Variants in CACNB4 observed in about 807,000 individuals in gnomAD.
The protein encoded by CACNB4 is voltage-dependent L-type calcium channel subunit beta-4.
A neutral mutation model predicts 71.2 loss-of-function variants in CACNB4; 32 were observed. The ratio of observed to expected loss-of-function variants is 0.45; its 90% CI spans 0.34 to 0.60. CACNB4 has a LOEUF of 0.60. Among genes scored for constraint, CACNB4 ranks in the 20% least tolerant of loss-of-function variants. The pLI is 0.01. For missense variants in CACNB4, 464 were observed against 647.9 expected, an observed-to-expected ratio of 0.72 and a Z score of 3.08; for synonymous variants, 231 against 236.9, an observed-to-expected ratio of 0.97 and a Z score of 0.23.
chr2:152,066,276 A>G (rs552590848), intron 2 of CACNB4, among the ~76,000 whole-genome samples: 1 of 152,166 alleles, frequency 6.6e-6, no homozygotes, highest in East Asian at 1.9e-4. Flanking sequence ...GCAGCTCCAC[A>G]CTCATGCATT....
chr2:151,883,068 A>T (rs1232207433), intron 3 of CACNB4, 183 bp downstream of exon 3: 2 of 603,526 alleles, frequency 3.3e-6, no homozygotes, highest in Admixed American at 3.0e-5. Flanking sequence ...TTCTGAGGAA[A>T]TGCCTCTTTG....
intron 2 of CACNB4, among the ~76,000 whole-genome samples, chr2:152,095,354 A>G (rs965715181): frequency 1.3e-5 from 2 of 152,166 alleles, no homozygotes; most frequent in African/African-American, 4.8e-5. Context: ...AACAAGCTCA[A>G]AGAACAAATA....
At chr2:152,037,975 C>T (rs968257868) in intron 2 of CACNB4, among the ~76,000 whole-genome samples, 2 of 152,204 alleles carry the variant, frequency 1.3e-5, no homozygotes, top group African/African-American at 4.8e-5. Context: ...AAGGGAACCA[C>T]CCCCAAGGAG....
At chr2:151,954,614 C>T (rs541167963) in intron 2 of CACNB4, among the ~76,000 whole-genome samples, 1 of 152,178 alleles carries the variant, frequency 6.6e-6, no homozygotes, top group South Asian at 2.1e-4. Flanking sequence ...TGAAAAGTCA[C>T]AGAGATTTCG....
chr2:151,874,143 C>T (rs553459770), intron 5 of CACNB4: 39 of 147,662 alleles, frequency 2.6e-4, no homozygotes, highest in Admixed American at 1.5e-3. Flanking sequence ...ACAATTAAAG[C>T]TCTTTTCCTC....
chr2:151,868,632 A>G (rs1283053112), intron 9 of CACNB4: 1 of 152,170 alleles, frequency 6.6e-6, no homozygotes, highest in Non-Finnish European at 1.5e-5. Flanking sequence ...ATTTCTAATA[A>G]AAACAACCCA....
At chr2:151,868,160 A>G (rs2099843661) in intron 9 of CACNB4, 1 of 152,248 alleles carries the variant, frequency 6.6e-6, no homozygotes, top group African/African-American at 2.4e-5. Flanking sequence ...TATTCTTAAT[A>G]TACCAATTTA....
chr2:151,998,459 G>T lies in CACNB4; in HGVS notation c.147+99871C>A, dbSNP rs1286727798. On this transcript the variant is annotated intron_variant, in intron 2 of 13. Transcript: ENST00000539935. The stretch of plus-strand genomic sequence containing the variant: ...TTACTCTGCTACATGTTACCTGAAT[G>T]AACTTGATCAAGTCCCTGAACTTCC... Among the ~76,000 whole-genome samples, 8 of 152,058 alleles carry T rather than the reference G, an allele frequency of 5.3e-5. No homozygotes were observed. The East Asian group carries it at 1.6e-3, about 30-fold the overall frequency.
intron 2 of CACNB4, among the ~76,000 whole-genome samples, chr2:152,096,865 A>T (rs1688297779): frequency 6.6e-6 from 1 of 152,236 alleles, no homozygotes. Flanking sequence ...AGTTTTAGTC[A>T]AACAGCTTAT....
chr2:152,028,137 A>C (rs149262575), intron 2 of CACNB4, among the ~76,000 whole-genome samples: 88 of 152,308 alleles, frequency 5.8e-4, no homozygotes, highest in African/African-American at 2.1e-3. Context: ...GGAAGAGCAA[A>C]GAGGGCATGA....
At chr2:151,893,222 G>GA (rs1331428804) in intron 2 of CACNB4, among the ~76,000 whole-genome samples, 13 of 148,764 alleles carry the variant, frequency 8.7e-5, no homozygotes, top group Admixed American at 4.0e-4. Flanking sequence ...TAGCCAACTG[G>GA]AAAAAAAAAT....
intron 2 of CACNB4, among the ~76,000 whole-genome samples, chr2:151,933,767 T>A (rs897296380): frequency 4.6e-5 from 7 of 152,098 alleles, no homozygotes; most frequent in East Asian, 1.9e-4. Context: ...TTGAGGGTTT[T>A]AAAAAAAATT....
chr2:151,933,390 C>T (rs1279968888), intron 2 of CACNB4, among the ~76,000 whole-genome samples: 1 of 151,928 alleles, frequency 6.6e-6, no homozygotes, highest in Admixed American at 6.5e-5. Context: ...TTACAATGAG[C>T]TAGTATTTTG....
chr2:152,070,544 A>G (rs1686623728), intron 2 of CACNB4, among the ~76,000 whole-genome samples: 1 of 152,130 alleles, frequency 6.6e-6, no homozygotes, highest in Non-Finnish European at 1.5e-5. Context: ...AAACCACACA[A>G]GAAGAAGACA....
At chr2:152,045,305 A>G (rs1685091162) in intron 2 of CACNB4, among the ~76,000 whole-genome samples, 1 of 152,236 alleles carries the variant, frequency 6.6e-6, no homozygotes, top group African/African-American at 2.4e-5. Context: ...GCTAAAGACA[A>G]TGTGGTATAT....
chr2:151,863,717 C>T (rs922382870), intron 9 of CACNB4, among the ~76,000 whole-genome samples: 1 of 152,028 alleles, frequency 6.6e-6, no homozygotes, highest in African/African-American at 2.4e-5. Flanking sequence ...TCAAACACGA[C>T]CAAAGTTTGA....
intron 2 of CACNB4, among the ~76,000 whole-genome samples, chr2:152,000,933 G>T (rs187561794): frequency 5.3e-5 from 8 of 152,294 alleles, no homozygotes; most frequent in Admixed American, 5.2e-4. Context: ...CTCCTCATGG[G>T]CCTCCAGCCT....
At chr2:151,892,176 T>G (rs1053395130) in intron 2 of CACNB4, among the ~76,000 whole-genome samples, 11 of 152,200 alleles carry the variant, frequency 7.2e-5, no homozygotes, top group Non-Finnish European at 1.2e-4. Flanking sequence ...CTTCTGTGAC[T>G]TTTCTGGAAA....
At chr2:151,915,109 C>T (rs536660176) in intron 2 of CACNB4, among the ~76,000 whole-genome samples, 3 of 152,282 alleles carry the variant, frequency 2.0e-5, no homozygotes, top group African/African-American at 2.4e-5. Flanking sequence ...ACAGAGACTG[C>T]GGCCACACCT....
Sources: allele counts gnomAD v4.1 joint callset (sites outside exome capture counted in the v4.1 genomes callset), GRCh38; gene constraint gnomAD v4.1.1; transcripts MANE v1.5; gene names NCBI Gene and HGNC (gene_info 2026-07-23, HGNC 2026-07-21).